Variants in ABCC6 observed in about 807,000 individuals in gnomAD.
ABCC6 encodes the protein ATP binding cassette subfamily C member 6, also known as ATP-binding cassette sub-family C member 6.
ABCC6 carries 126 observed loss-of-function variants against 169.5 expected under a neutral mutation model. The ratio of observed to expected loss-of-function variants is 0.74; its 90% confidence interval spans 0.64 to 0.86. ABCC6 has a LOEUF of 0.86. ABCC6 is among the 40% of genes least tolerant of loss of function. The pLI is 0.00. For missense variants in ABCC6, 1,733 were observed against 1,927.2 expected, an observed-to-expected ratio of 0.90 and a Z score of 1.89; for synonymous variants, 752 against 814.7, an observed-to-expected ratio of 0.92 and a Z score of 1.31.
chr16:16,160,962 AGGCATAGT>A (rs2152221049), intron 25 of ABCC6, among the ~76,000 whole-genome samples: 1 of 152,276 alleles, frequency 6.6e-6, no homozygotes, highest in African/African-American at 2.4e-5. Flanking sequence ...AAAATTAGCC[AGGCATAGT>A]GGCTCACGCC....
rs769081280 is a variant in ABCC6 at position 16,177,615 on chromosome 16, G to A, written c.2427C>T (p.Leu809=). The change falls in exon 19 of 31, where the codon CTC becomes CTT. Residue 809 remains leucine (L), a synonymous_variant. Coordinates refer to ENST00000205557, the MANE Select transcript of ABCC6 (RefSeq NM_001171.6). ...GCAGGATGTGGAGTGCGTGCGTCAC[G>A]AGAATCCGTGTCTGGGCAGGGAAGG... ...GGLLQGTTRI[L]VTHALHILPQ... 24 of 1,614,048 alleles carry A rather than the reference G, an allele frequency of 1.5e-5. No individual in the cohort carries two copies. The highest frequency in any genetic ancestry group is 2.2e-5 in the East Asian group (1 of 44,888).
chr16:16,213,595 T>C (rs1388374753), intron 5 of ABCC6, among the ~76,000 whole-genome samples: 1 of 149,350 alleles, frequency 6.7e-6, no homozygotes, highest in Non-Finnish European at 1.5e-5. Flanking sequence ...AGTTCCGCTC[T>C]TGTTGCCCAG....
rs966774193 is a variant in ABCC6, at chr16:16,219,945, C to T, written c.222G>A (p.Val74=). 42 of 1,547,468 alleles carry T rather than the reference C, an allele frequency of 2.7e-5. No individual in the cohort carries two copies. The African/African-American group carries it at 4.1e-4, about 15-fold the overall frequency. The change falls in exon 3 of 31, where the codon GTG becomes GTA. Residue 74 remains valine (V), a splice_region_variant and synonymous_variant. Transcript: ENST00000205557. ...ACAGGACTATGAGGGCGAATCCAAG[C>T]ACCTGAGGATACAGGCTTAGATAAG... is the stretch of plus-strand genomic sequence containing the variant. The part of the protein sequence containing the change: ...RMSPLFKAKM[V]LGFALIVLCT...
intron 10 of ABCC6, among the ~76,000 whole-genome samples, chr16:16,196,995 A>C (rs1338887781): frequency 6.6e-6 from 1 of 152,174 alleles, no homozygotes; most frequent in Non-Finnish European, 1.5e-5. Flanking sequence ...CCTGGCCCAG[A>C]GTCTGATTTT....
In ABCC6 at chr16:16,179,068, G is replaced by C. The variant is rs2047386670; in HGVS notation, c.2248-103C>G. On this transcript the variant is annotated intron_variant, in intron 17 of 30. Coordinates refer to ENST00000205557, the MANE Select transcript of ABCC6 (RefSeq NM_001171.6). ...GGGCACACCTGCCCATCAGGGTGAG[G>C]TACAGCTCAACATGCCTATTCCCTG... The C allele has an allele frequency of 1.1e-5, 15 of 1,309,210 alleles. No individual in the cohort carries two copies. The Admixed American group carries it at 1.6e-4, about 14-fold the overall frequency. The allele number at this position is 1,309,210 out of a possible 1,614,324, so 81.1% of individuals were successfully genotyped here.
chr16:16,184,832 C>G, intron 15 of ABCC6, 127 bp downstream of exon 15: 1 of 1,044,038 alleles, frequency 9.6e-7, no homozygotes. Flanking sequence ...GAGCCCCAGC[C>G]CAGCCAAACC....
rs554599355 is a variant in ABCC6 at position 16,158,293 on chromosome 16, C to T, written c.3736-484G>A. Reference sequence around the variant, plus strand: ...ATTTCTTTGCAGGATCTCATTTGATCCTCCCAGTAAACTCAACGCTGTTAT... The same window carrying T: ...ATTTCTTTGCAGGATCTCATTTGATTCTCCCAGTAAACTCAACGCTGTTAT... On this transcript the variant is annotated intron_variant, in intron 26 of 30. Transcript: ENST00000205557. 3.9e-5 allele frequency among the ~76,000 whole-genome samples: 6 copies of T among 152,256 alleles called. No individual in the cohort carries two copies. The South Asian group carries it at 1.2e-3, about 32-fold the overall frequency.
At chr16:16,187,081 C>T (rs1211699749) in intron 14 of ABCC6, 43 bp downstream of exon 14, 1 of 1,530,180 alleles carries the variant, frequency 6.5e-7, no homozygotes, top group Non-Finnish European at 9.0e-7. Flanking sequence ...GCCCCCACAT[C>T]CCCCATCCCT....
rs199634124 is a variant in ABCC6 at position 16,190,199 on chromosome 16, C to T, written c.1600G>A (p.Val534Met). 6.2e-7 allele frequency: 1 copy of T among 1,614,060 alleles called. No homozygotes were observed. The highest frequency in any genetic ancestry group is 1.1e-5 in the South Asian group (1 of 91,066). ...GACACTTGGAAGGACACCAGCGACA[C>T]AGAGAAGAGGAGGCCGGAGGTCCGC... is the stretch of plus-strand genomic sequence containing the variant. Reference protein sequence around the residue: ...ALRTSGLLFSVSLVSFQVSTF... With the variant: ...ALRTSGLLFSMSLVSFQVSTF... The change falls in exon 12 of 31, where the codon GTG (valine) becomes ATG (methionine). Residue 534 changes from valine to methionine, a missense_variant. Val to Met is a conservative substitution (Grantham distance 21). Around this residue, in one of 5 missense-constraint regions of ABCC6, gnomAD observed 1,601 missense variants for 1,635.5 expected, o/e 0.98. Transcript: ENST00000205557.
intron 25 of ABCC6, among the ~76,000 whole-genome samples, chr16:16,160,644 A>AG (rs2046686872): frequency 6.6e-6 from 1 of 150,418 alleles, no homozygotes; most frequent in African/African-American, 2.4e-5. Flanking sequence ...AAAAAAAAAA[A>AG]AAAAAAAAAA....
intron 19 of ABCC6, among the ~76,000 whole-genome samples, chr16:16,177,113 T>G (rs1042506126): frequency 1.3e-5 from 2 of 152,214 alleles, no homozygotes; most frequent in Admixed American, 6.5e-5. Flanking sequence ...CAAGTTCTAA[T>G]CTTGTGACCT....
At chr16:16,169,528 C>T (rs563605423) in intron 22 of ABCC6, 118 bp downstream of exon 22, 14 of 1,207,288 alleles carry the variant, frequency 1.2e-5, no homozygotes, top group Middle Eastern at 2.7e-4. Context: ...GGACCCCAGA[C>T]GTTTTGCACA....
intron 29 of ABCC6, among the ~76,000 whole-genome samples, chr16:16,154,126 C>G (rs1483281727): frequency 1.3e-5 from 2 of 151,724 alleles, no homozygotes; most frequent in Non-Finnish European, 2.9e-5. Context: ...ATACTGTTGT[C>G]CACAGAGATA....
intron 1 of ABCC6, among the ~76,000 whole-genome samples, chr16:16,222,205 C>T (rs1043318483): frequency 2.6e-5 from 4 of 152,136 alleles, no homozygotes; most frequent in Admixed American, 2.6e-4. Flanking sequence ...CTCCAGGACG[C>T]AGACAGTACT....
chr16:16,161,522 C>T lies in ABCC6; in HGVS notation c.3549G>A (p.Val1183=). The T allele has an allele frequency of 5.6e-6, 9 of 1,613,996 alleles. No homozygotes were observed. Among genetic ancestry groups the T allele is most frequent in the Non-Finnish European group, 7.6e-6 (9 of 1,180,038 alleles). The change falls in exon 25 of 31, where the codon GTG becomes GTA. Residue 1183 remains valine, a synonymous_variant. Coordinates refer to ENST00000205557, the MANE Select transcript of ABCC6 (RefSeq NM_001171.6). ...ANVELLGNGL[V]FAAATCAVLS... ...GCACAGCACACGTGGCAGCTGCAAACACCAGGCCATTCCCCAGGAGCTCCA... is the reference window on the plus strand; with the variant it reads ...GCACAGCACACGTGGCAGCTGCAAATACCAGGCCATTCCCCAGGAGCTCCA...
chr16:16,182,272 G>T, intron 17 of ABCC6, 140 bp downstream of exon 17: 1 of 1,057,504 alleles, frequency 9.5e-7, no homozygotes, highest in Non-Finnish European at 1.5e-6. Flanking sequence ...CGTGCTTGAC[G>T]CTGAGCTGAG....
intron 27 of ABCC6, among the ~76,000 whole-genome samples, chr16:16,157,054 G>A (rs2046574344): frequency 6.6e-6 from 1 of 151,934 alleles, no homozygotes; most frequent in Admixed American, 6.6e-5. Context: ...TGTAGGTTCA[G>A]AGGGAGGGAG....
intron 10 of ABCC6, among the ~76,000 whole-genome samples, chr16:16,194,004 C>A (rs766719373): frequency 6.6e-6 from 1 of 152,128 alleles, no homozygotes; most frequent in Non-Finnish European, 1.5e-5. Flanking sequence ...CCCTCTTACA[C>A]GATAGGGAGA....
intron 20 of ABCC6, 156 bp downstream of exon 20, chr16:16,175,755 T>C (rs1049632312): frequency 3.3e-6 from 1 of 307,446 alleles, no homozygotes; most frequent in Admixed American, 1.0e-4. Flanking sequence ...TTTTGGTAAA[T>C]TATCCCTCAG....
Sources: allele counts gnomAD v4.1 joint callset (sites outside exome capture counted in the v4.1 genomes callset), GRCh38; gene constraint gnomAD v4.1.1; regional missense constraint gnomAD v4.1.1; transcripts MANE v1.5; gene names NCBI Gene and HGNC (gene_info 2026-07-23, HGNC 2026-07-21).